THSD7B: variants seen among roughly 807,000 people sequenced by gnomAD.
THSD7B encodes the protein thrombospondin type 1 domain containing 7B.
THSD7B carries 138 observed loss-of-function variants against 213.6 expected under a neutral mutation model. That is an observed-to-expected ratio of 0.65 (90% CI 0.56 to 0.74). The LOEUF (loss-of-function observed/expected upper bound fraction) is 0.74. THSD7B is among the 30% of genes least tolerant of loss of function. The pLI is 0.00. For synonymous variants in THSD7B, 742 were observed against 687.0 expected (o/e 1.08, Z -1.25); for missense variants, 1,931 against 1,991.5 (o/e 0.97, Z 0.58).
intron 17 of THSD7B, among the ~76,000 whole-genome samples, chr2:137,613,999 A>T (rs1682335806): frequency 6.6e-6 from 1 of 152,174 alleles, no homozygotes; most frequent in Non-Finnish European, 1.5e-5. Flanking sequence ...TTTTTATAAG[A>T]TGAAGTGTGA....
chr2:137,643,128 T>C (rs1033112533), intron 21 of THSD7B, among the ~76,000 whole-genome samples: 1 of 152,210 alleles, frequency 6.6e-6, no homozygotes, highest in South Asian at 2.1e-4. Context: ...TACATTTTCC[T>C]CAATGATTAC....
chr2:137,233,466 A>G (rs1012119738), intron 9 of THSD7B, among the ~76,000 whole-genome samples: 2 of 152,182 alleles, frequency 1.3e-5, no homozygotes, highest in African/African-American at 4.8e-5. Context: ...CATAAAGACG[A>G]GGTCAACATA....
At chr2:137,187,264 A>G (rs964500051) in intron 7 of THSD7B, among the ~76,000 whole-genome samples, 1 of 152,182 alleles carries the variant, frequency 6.6e-6, no homozygotes, top group Non-Finnish European at 1.5e-5. Context: ...CTCCAGGGCT[A>G]AGGTGGACAG....
intron 5 of THSD7B, among the ~76,000 whole-genome samples, chr2:137,134,620 T>C (rs1242650162): frequency 6.6e-6 from 1 of 152,162 alleles, no homozygotes; most frequent in African/African-American, 2.4e-5. Flanking sequence ...TACATGATTT[T>C]GTTTGTATAC....
intron 14 of THSD7B, among the ~76,000 whole-genome samples, chr2:137,413,233 G>A (rs1686711367): frequency 6.6e-6 from 1 of 152,208 alleles, no homozygotes; most frequent in Non-Finnish European, 1.5e-5. Flanking sequence ...TCACAAGAAA[G>A]TAATGGACCC....
intron 2 of THSD7B, among the ~76,000 whole-genome samples, chr2:136,996,331 CT>C (rs1158818186): frequency 1.3e-5 from 2 of 151,906 alleles, no homozygotes; most frequent in African/African-American, 4.8e-5. Flanking sequence ...CTTTCTTTTT[CT>C]TTTTTTCTTT....
chr2:137,422,662 C>T (rs1407491898), intron 14 of THSD7B, among the ~76,000 whole-genome samples: 1 of 152,170 alleles, frequency 6.6e-6, no homozygotes, highest in Non-Finnish European at 1.5e-5. Context: ...TAAACATATT[C>T]ATAGTCTAAT....
At chr2:137,225,423 A>G (rs1681474247) in intron 7 of THSD7B, among the ~76,000 whole-genome samples, 1 of 152,202 alleles carries the variant, frequency 6.6e-6, no homozygotes, top group African/African-American at 2.4e-5. Flanking sequence ...GTATTATCTA[A>G]AAGTAATGTA....
chr2:136,812,822 A>G (rs1682403036), intron 1 of THSD7B, among the ~76,000 whole-genome samples: 1 of 152,212 alleles, frequency 6.6e-6, no homozygotes, highest in Non-Finnish European at 1.5e-5. Flanking sequence ...AAATAACAGT[A>G]CTAGGATTCA....
At chr2:137,479,162 A>G (rs1423604441) in intron 15 of THSD7B, among the ~76,000 whole-genome samples, 1 of 152,170 alleles carries the variant, frequency 6.6e-6, no homozygotes, top group Non-Finnish European at 1.5e-5. Flanking sequence ...CTATCTCCCA[A>G]GTGGTCTACA....
At chr2:137,369,622 C>G (rs1227421738) in intron 12 of THSD7B, among the ~76,000 whole-genome samples, 1 of 152,176 alleles carries the variant, frequency 6.6e-6, no homozygotes, top group Non-Finnish European at 1.5e-5. Flanking sequence ...ATTGCCTTTG[C>G]CTTTCCACGC....
At chr2:137,166,012 A>G (rs564349999) in intron 6 of THSD7B, among the ~76,000 whole-genome samples, 1 of 152,306 alleles carries the variant, frequency 6.6e-6, no homozygotes, top group East Asian at 1.9e-4. Context: ...AATAGAAGAA[A>G]TTAGTTACTA....
chr2:137,030,675 C>G (rs796610066), intron 2 of THSD7B, among the ~76,000 whole-genome samples: 10 of 152,228 alleles, frequency 6.6e-5, no homozygotes, highest in African/African-American at 2.2e-4. Flanking sequence ...GAATCAAAAA[C>G]CAAGTGAGAG....
intron 17 of THSD7B, among the ~76,000 whole-genome samples, chr2:137,605,878 C>T (rs1354275083): frequency 6.6e-6 from 1 of 151,880 alleles, no homozygotes; most frequent in African/African-American, 2.4e-5. Flanking sequence ...ACCGTGTTAG[C>T]CAGGATGGTC....
At chr2:137,568,301 T>C (rs936796333) in intron 16 of THSD7B, among the ~76,000 whole-genome samples, 1 of 152,062 alleles carries the variant, frequency 6.6e-6, no homozygotes, top group Non-Finnish European at 1.5e-5. Context: ...AGGTGATGAC[T>C]GAAGGGAGAT....
chr2:136,804,989 C>G (rs1411191417), intron 1 of THSD7B, among the ~76,000 whole-genome samples: 1 of 152,086 alleles, frequency 6.6e-6, no homozygotes, highest in Non-Finnish European at 1.5e-5. Flanking sequence ...GATGGCGAAA[C>G]AAATTTAAGT....
chr2:136,933,085 G>T (rs996808516), intron 2 of THSD7B, among the ~76,000 whole-genome samples: 7 of 147,146 alleles, frequency 4.8e-5, no homozygotes, highest in African/African-American at 1.8e-4. Flanking sequence ...TTCTGCATTT[G>T]TAGATTATAT....
In THSD7B at chr2:137,563,461, T is replaced by C. The variant is rs150281242; in HGVS notation, c.3272+107T>C. On this transcript the variant is annotated intron_variant, in intron 16 of 27. Transcript: ENST00000409968. ...CAAGTACACTCTGATTTTCATAACA[T>C]ATACTCTGGTTTTTTCTCATCTTTG... The C allele has an allele frequency of 1.0e-3, 1,386 of 1,384,898 alleles. 15 individuals carry two copies. In the African/African-American group the frequency reaches 0.018, roughly 18 times the overall value. The allele number at this position is 1,384,898 out of a possible 1,614,324, so 85.8% of individuals were successfully genotyped here.
At chr2:137,548,903 C>T (rs1225214757) in intron 15 of THSD7B, among the ~76,000 whole-genome samples, 2 of 151,944 alleles carry the variant, frequency 1.3e-5, no homozygotes, top group Non-Finnish European at 2.9e-5. Flanking sequence ...ATTTCCTGGG[C>T]ATGCTCTATA....
Sources: gnomAD v4.1 joint callset for allele counts (sites outside exome capture counted in the v4.1 genomes callset) on GRCh38, gnomAD v4.1.1 for gene constraint, MANE v1.5 for transcripts, NCBI Gene and HGNC (gene_info 2026-07-23, HGNC 2026-07-21) for gene names.